KCNMA1: variants seen among roughly 807,000 people sequenced by gnomAD.
KCNMA1 encodes the protein Calcium-activated potassium channel subunit alpha-1.
In KCNMA1, 29 loss-of-function variants were observed where a neutral mutation model predicts 140.0. The ratio of observed to expected loss-of-function variants is 0.21; its 90% CI spans 0.15 to 0.28. The LOEUF (loss-of-function observed/expected upper bound fraction) is 0.28. KCNMA1 is among the 10% of genes least tolerant of loss of function. KCNMA1 has a pLI of 1.00. For missense variants in KCNMA1, 880 were observed against 1,602.2 expected, an observed-to-expected ratio of 0.55 and a Z score of 7.70; for synonymous variants, 612 against 611.9, an observed-to-expected ratio of 1.00 and a Z score of 0.00.
At chr10:77,275,433 G>T (rs1878217) in intron 2 of KCNMA1, among the ~76,000 whole-genome samples, 1 of 152,120 alleles carries the variant, frequency 6.6e-6, no homozygotes, top group Admixed American at 6.5e-5. Flanking sequence ...AGGAAGCAAG[G>T]TCACCTAGTC....
chr10:77,633,496 C>T (rs547408976), intron 1 of KCNMA1, among the ~76,000 whole-genome samples: 2 of 152,220 alleles, frequency 1.3e-5, no homozygotes, highest in South Asian at 4.2e-4. Flanking sequence ...AGCCAATCCC[C>T]AGGACAGGAT....
chr10:77,013,399 A>C (rs2091302121), intron 17 of KCNMA1, among the ~76,000 whole-genome samples: 1 of 152,074 alleles, frequency 6.6e-6, no homozygotes, highest in Admixed American at 6.6e-5. Context: ...CTTTCTTTAA[A>C]TGCCAGCTGT....
At chr10:77,471,461 C>T (rs2154528437) in intron 1 of KCNMA1, among the ~76,000 whole-genome samples, 1 of 151,422 alleles carries the variant, frequency 6.6e-6, no homozygotes, top group East Asian at 1.9e-4. Flanking sequence ...ACACCATGCA[C>T]CACACACGTA....
chr10:76,941,018 G>GAAGAAAGAAAGAAAGAAAGAAAGAAAGA (rs758943097), intron 23 of KCNMA1, among the ~76,000 whole-genome samples: 397 of 38,220 alleles, frequency 0.01, 16 homozygotes, highest in South Asian at 0.03. Context: ...AGGAAGGAAG[G>GAAGAAAGAAAGAAAGAAAGAAAGAAAGA]AAGAAAGAAA....
At chr10:77,260,225 G>T (rs2061670923) in intron 2 of KCNMA1, among the ~76,000 whole-genome samples, 1 of 152,198 alleles carries the variant, frequency 6.6e-6, no homozygotes, top group South Asian at 2.1e-4. Flanking sequence ...AGGGGATGGG[G>T]GGAGCTGAGG....
intron 14 of KCNMA1, among the ~76,000 whole-genome samples, chr10:77,062,993 T>TG (rs2095810884): frequency 1.3e-5 from 2 of 152,206 alleles, no homozygotes; most frequent in African/African-American, 4.8e-5. Flanking sequence ...GCTATGGTGA[T>TG]GGGTCCTGTG....
chr10:76,991,498 T>G (rs1376294100), intron 19 of KCNMA1, among the ~76,000 whole-genome samples: 1 of 152,194 alleles, frequency 6.6e-6, no homozygotes, highest in East Asian at 1.9e-4. Context: ...TACATCCCAG[T>G]TTTTTATGTT....
intron 1 of KCNMA1, among the ~76,000 whole-genome samples, chr10:77,455,328 C>T (rs150057221): frequency 0.013 from 1,926 of 152,250 alleles, 19 homozygotes; most frequent in Non-Finnish European, 0.021. Flanking sequence ...CCCAGGACTC[C>T]TAGACCCAAG....
rs1004526700 is a variant in KCNMA1 at position 76,993,969 on chromosome 10, CT to C, written c.2266+7437del. Among the ~76,000 whole-genome samples, 78 of 152,356 alleles carry C rather than the reference CT, an allele frequency of 5.1e-4. 1 individual carries two copies. Among genetic ancestry groups the C allele is most frequent in the African/African-American group, 1.8e-3 (76 of 41,596 alleles). On this transcript the variant is annotated intron_variant, in intron 19 of 27. Coordinates refer to ENST00000286628, the MANE Select transcript of KCNMA1 (RefSeq NM_001161352.2). Reference sequence around the variant, plus strand: ...CGAGGTTTCATTACCAGAATCCTCACTTTTTTCTCCTCCCTTGGAGATTAAG... The same window carrying C: ...CGAGGTTTCATTACCAGAATCCTCACTTTTTCTCCTCCCTTGGAGATTAAG...
intron 3 of KCNMA1, among the ~76,000 whole-genome samples, chr10:77,219,373 G>A (rs938569073): frequency 6.6e-6 from 1 of 152,118 alleles, no homozygotes; most frequent in Non-Finnish European, 1.5e-5. Context: ...CAGGCACTCA[G>A]GCTCACTCTG....
At chr10:77,350,486 C>T (rs1260613799) in intron 2 of KCNMA1, 2 of 152,162 alleles carry the variant, frequency 1.3e-5, no homozygotes, top group Non-Finnish European at 1.5e-5. Flanking sequence ...AATCTCCTGC[C>T]AGTCTTCACA....
chr10:77,272,459 C>A (rs1446670559), intron 2 of KCNMA1, among the ~76,000 whole-genome samples: 1 of 152,140 alleles, frequency 6.6e-6, no homozygotes. Context: ...CCCAACTAGA[C>A]AATAAGCCCC....
chr10:77,573,106 C>G (rs2072326565), intron 1 of KCNMA1, among the ~76,000 whole-genome samples: 1 of 152,180 alleles, frequency 6.6e-6, no homozygotes, highest in South Asian at 2.1e-4. Flanking sequence ...TGGTGTAGAA[C>G]TGGATACATA....
intron 1 of KCNMA1, among the ~76,000 whole-genome samples, chr10:77,620,858 G>C (rs1300752176): frequency 1.3e-5 from 2 of 152,178 alleles, no homozygotes; most frequent in African/African-American, 4.8e-5. Flanking sequence ...AATGTATATG[G>C]GCATGCAGGC....
At chr10:77,489,368 T>G (rs1248400070) in intron 1 of KCNMA1, among the ~76,000 whole-genome samples, 1 of 152,080 alleles carries the variant, frequency 6.6e-6, no homozygotes, top group Non-Finnish European at 1.5e-5. Context: ...GGAGTCTCAC[T>G]CTTGTCGCCC....
At chr10:76,934,724 G>A (rs904477157) in intron 23 of KCNMA1, among the ~76,000 whole-genome samples, 2 of 152,120 alleles carry the variant, frequency 1.3e-5, no homozygotes, top group African/African-American at 4.8e-5. Flanking sequence ...TTCATGAGGT[G>A]TCTTAGAGGG....
At chr10:77,525,741 C>G (rs1663762903) in intron 1 of KCNMA1, among the ~76,000 whole-genome samples, 2 of 152,248 alleles carry the variant, frequency 1.3e-5, no homozygotes, top group African/African-American at 2.4e-5. Context: ...TAAGTGAGAA[C>G]TGCCCTTTGC....
chr10:76,922,007 G>A (rs1467316394), intron 23 of KCNMA1, among the ~76,000 whole-genome samples: 1 of 152,164 alleles, frequency 6.6e-6, no homozygotes, highest in Admixed American at 6.5e-5. Flanking sequence ...ACAGGGTAGA[G>A]GTAGCCCCCA....
chr10:77,114,699 TC>T (rs1209673434), intron 6 of KCNMA1, among the ~76,000 whole-genome samples: 1 of 152,246 alleles, frequency 6.6e-6, no homozygotes, highest in African/African-American at 2.4e-5. Flanking sequence ...AAAGTGACTT[TC>T]CCCGGCTCTC....
Sources: gnomAD v4.1 joint callset for allele counts (sites outside exome capture counted in the v4.1 genomes callset) on GRCh38, gnomAD v4.1.1 for gene constraint, MANE v1.5 for transcripts, NCBI Gene and HGNC (gene_info 2026-07-23, HGNC 2026-07-21) for gene names.